Variants in DENND2B observed in about 807,000 individuals in gnomAD.
DENND2B encodes the protein DENN domain-containing protein 2B.
A neutral mutation model predicts 116.0 loss-of-function variants in DENND2B; 32 were observed. That is an observed-to-expected ratio of 0.28 (90% CI 0.21 to 0.37). The LOEUF is 0.37. Ranked by LOEUF, DENND2B falls within the 10% of genes least tolerant of loss-of-function variation. The pLI, the probability that DENND2B is intolerant of heterozygous loss-of-function variation, is 1.00. For missense variants in DENND2B, 1,276 were observed against 1,477.7 expected (o/e 0.86, Z 2.24); for synonymous variants, 588 against 583.9 (o/e 1.01, Z -0.10).
intron 1 of DENND2B, among the ~76,000 whole-genome samples, chr11:8,781,218 G>A (rs573540136): frequency 1.3e-5 from 2 of 152,294 alleles, no homozygotes; most frequent in East Asian, 1.9e-4. Flanking sequence ...TATGAAGAAG[G>A]TTGTTAACAG....
At chr11:8,756,952 C>G in intron 1 of DENND2B, 2 of 449,998 alleles carry the variant, frequency 4.4e-6, no homozygotes, top group Non-Finnish European at 8.9e-6. Flanking sequence ...TAGCATATAC[C>G]ATCCATCCAA....
intron 3 of DENND2B, among the ~76,000 whole-genome samples, chr11:8,855,025 T>G (rs918995554): frequency 2.9e-5 from 4 of 138,736 alleles, no homozygotes; most frequent in African/African-American, 8.0e-5. Context: ...CACATAGTGG[T>G]CCTAGCTACT....
intron 2 of DENND2B, among the ~76,000 whole-genome samples, chr11:8,743,514 C>T (rs1192099889): frequency 6.6e-6 from 1 of 152,096 alleles, no homozygotes; most frequent in Non-Finnish European, 1.5e-5. Flanking sequence ...CACACCACTG[C>T]ACTCCAGCCT....
chr11:8,728,359 C>G (rs532971178), intron 3 of DENND2B, among the ~76,000 whole-genome samples: 88 of 152,142 alleles, frequency 5.8e-4, no homozygotes, highest in Middle Eastern at 3.4e-3. Context: ...CTTGGTATAA[C>G]AGACACAAAC....
upstream of DENND2B, among the ~76,000 whole-genome samples, chr11:8,875,326 GA>G (rs1426384383): frequency 3.5e-3 from 381 of 107,854 alleles, 2 homozygotes; most frequent in African/African-American, 6.2e-3. Flanking sequence ...CAGTCTCAAA[GA>G]AAAAAAAAAA....
chr11:8,828,967 GGT>G (rs1216933281), intron 4 of DENND2B, among the ~76,000 whole-genome samples: 1 of 149,450 alleles, frequency 6.7e-6, no homozygotes, highest in Non-Finnish European at 1.5e-5. Context: ...TGTGTGTGTG[GGT>G]GTGTGTGTGG....
At position 8,693,890 on chromosome 11, in the gene DENND2B, C is replaced by T. The variant is rs1041877502; in HGVS notation, c.*206G>A. The T allele has an allele frequency of 7.5e-5, 40 of 534,984 alleles. No individual in the cohort carries two copies. Among genetic ancestry groups the T allele is most frequent in the Non-Finnish European group, 1.2e-4 (38 of 304,182 alleles). The allele number at this position is 534,984 out of a possible 1,614,324, so 33.1% of individuals were successfully genotyped here. ...ACAAATATTTGCCATATTCTCTTTG[C>T]TTGTTACAAAAAACAGTTAAGAAAG... is the stretch of plus-strand genomic sequence containing the variant. On this transcript the variant is annotated 3_prime_UTR_variant, in exon 20 of 20. Transcript: ENST00000313726.
At chr11:8,816,395 T>A (rs2061568534) in intron 4 of DENND2B, among the ~76,000 whole-genome samples, 2 of 152,124 alleles carry the variant, frequency 1.3e-5, no homozygotes, top group East Asian at 1.9e-4. Context: ...ATAATAATTT[T>A]AAAAAATTGG....
At chr11:8,741,557 T>G (rs551984533) in intron 2 of DENND2B, among the ~76,000 whole-genome samples, 2 of 152,340 alleles carry the variant, frequency 1.3e-5, no homozygotes, top group South Asian at 2.1e-4. Context: ...GTGGTAGTTT[T>G]AAAACGTGGT....
At chr11:8,744,007 C>T (rs1424311976) in intron 2 of DENND2B, among the ~76,000 whole-genome samples, 1 of 152,056 alleles carries the variant, frequency 6.6e-6, no homozygotes, top group African/African-American at 2.4e-5. Context: ...CCTCAGCCTC[C>T]CAAAGTGCTT....
chr11:8,707,014 G>T lies in DENND2B; in HGVS notation c.2571+71C>A. 1.3e-6 allele frequency: 2 copies of T among 1,552,504 alleles called. No homozygotes were observed. Among genetic ancestry groups the T allele is most frequent in the South Asian group, 2.5e-5 (2 of 80,090 alleles). The stretch of plus-strand genomic sequence containing the variant: ...GTGCTCTGCAACCCCCAAAGACTAC[G>T]ACCTTGGCCAGCATGGTCCTCCTGC... On this transcript the variant is annotated intron_variant, in intron 13 of 19. Coordinates refer to ENST00000313726, the MANE Select transcript of DENND2B (RefSeq NM_213618.2). The surrounding 1 kb of genome is among the most constrained non-coding windows in gnomAD (Gnocchi z 4.8).
At chr11:8,889,770 G>A (rs541878997) in intron 1 of DENND2B, among the ~76,000 whole-genome samples, 40 of 152,320 alleles carry the variant, frequency 2.6e-4, no homozygotes, top group African/African-American at 9.6e-4. Context: ...GGAGTCCACC[G>A]CAGCTCAAGG....
At chr11:8,904,278 C>G (rs753288536) in intron 1 of DENND2B, among the ~76,000 whole-genome samples, 2 of 152,134 alleles carry the variant, frequency 1.3e-5, no homozygotes, top group Non-Finnish European at 2.9e-5. Flanking sequence ...ATAAAAACCA[C>G]ATGATCACAT....
In DENND2B at chr11:8,714,587, C is replaced by T; in HGVS notation, c.1942+23G>A. 1.9e-6 allele frequency: 3 copies of T among 1,605,276 alleles called. No homozygotes were observed. In the Admixed American group the frequency reaches 5.0e-5, roughly 27 times the overall value. On this transcript the variant is annotated intron_variant, in intron 7 of 19. Coordinates refer to ENST00000313726, the MANE Select transcript of DENND2B (RefSeq NM_213618.2). The stretch of plus-strand genomic sequence containing the variant: ...TGCCCAAGGGCCCCAAACAGCTGAA[C>T]CAGCTCTGGCACCAAAGCCTACCTC...
At chr11:8,826,232 C>G (rs925024027) in intron 4 of DENND2B, among the ~76,000 whole-genome samples, 2 of 152,168 alleles carry the variant, frequency 1.3e-5, no homozygotes, top group African/African-American at 4.8e-5. Flanking sequence ...CAAAACCTCC[C>G]AGCTGGGGCT....
rs902027501 is a variant in DENND2B, at chr11:8,785,068, A to C, written c.-26+25449T>G. 3 of 152,174 alleles carry C rather than the reference A, an allele frequency of 2.0e-5. No homozygotes were observed. The East Asian group carries it at 5.8e-4, about 29-fold the overall frequency. 9.4% of individuals were successfully genotyped at this position (152,174 alleles called of 1,614,324 possible). A position where few individuals can be genotyped will look rare whatever the true frequency, so the allele number is the denominator to read the frequency against. ...TAACACAGCCGCCACATGGTAGAGT[A>C]GTTGCTAAGAAGCCACAGGAAGGTA... On this transcript the variant is annotated intron_variant, in intron 1 of 19. Transcript: ENST00000313726.
intron 19 of DENND2B, among the ~76,000 whole-genome samples, chr11:8,695,024 T>G (rs1404134532): frequency 6.6e-6 from 1 of 151,972 alleles, no homozygotes; most frequent in African/African-American, 2.4e-5. Context: ...ATTGCACCAC[T>G]GCACTCCAGC....
intron 2 of DENND2B, among the ~76,000 whole-genome samples, chr11:8,876,911 A>T (rs1478135217): frequency 6.6e-6 from 1 of 151,176 alleles, no homozygotes; most frequent in Non-Finnish European, 1.5e-5. Flanking sequence ...AGAAAAGAAA[A>T]GAAAGTAATA....
chr11:8,891,391 T>C (rs2064031021), intron 1 of DENND2B, among the ~76,000 whole-genome samples: 1 of 152,142 alleles, frequency 6.6e-6, no homozygotes, highest in Non-Finnish European at 1.5e-5. Flanking sequence ...CACATAACAA[T>C]ATTAACTTTA....
Sources: allele counts gnomAD v4.1 joint callset (sites outside exome capture counted in the v4.1 genomes callset), GRCh38; gene constraint gnomAD v4.1.1; non-coding constraint Gnocchi (gnomAD v3.1); transcripts MANE v1.5; gene names NCBI Gene and HGNC (gene_info 2026-07-23, HGNC 2026-07-21).